Variants in DLGAP2 observed in about 807,000 individuals in gnomAD.
The protein encoded by DLGAP2 is disks large-associated protein 2.
In DLGAP2, 26 loss-of-function variants were observed where a neutral mutation model predicts 100.3. The observed-to-expected ratio is 0.26, with a 90% CI of 0.19 to 0.36. The LOEUF (loss-of-function observed/expected upper bound fraction) is 0.36. DLGAP2 is among the 10% of genes least tolerant of loss of function. The pLI, the probability that DLGAP2 is intolerant of heterozygous loss-of-function variation, is 1.00. For synonymous variants in DLGAP2, 886 were observed against 630.1 expected (o/e 1.41, Z -6.08); for missense variants, 1,858 against 1,453.2 (o/e 1.28, Z -4.53).
chr8:1,243,696 C>A (rs1049406285), intron 2 of DLGAP2, among the ~76,000 whole-genome samples: 1 of 152,166 alleles, frequency 6.6e-6, no homozygotes, highest in African/African-American at 2.4e-5. Flanking sequence ...GATGCCCATG[C>A]CGCTGCCTCA....
At chr8:1,655,971 A>T (rs1798274264) in intron 8 of DLGAP2, among the ~76,000 whole-genome samples, 1 of 152,242 alleles carries the variant, frequency 6.6e-6, no homozygotes, top group Non-Finnish European at 1.5e-5. Context: ...ACCAGTGGAC[A>T]CACAGCGTGT....
intron 2 of DLGAP2, among the ~76,000 whole-genome samples, chr8:935,769 T>C (rs1799056976): frequency 6.6e-6 from 1 of 152,208 alleles, no homozygotes; most frequent in South Asian, 2.1e-4. Flanking sequence ...CAAAGCATAG[T>C]GGTTCCTGTT....
rs1165882478 is a variant in DLGAP2, at chr8:1,360,310, C to CTGGGG, written c.106+101427_106+101428insTGGGG. Among the ~76,000 whole-genome samples the CTGGGG allele has an allele frequency of 5.8e-3, 355 of 61,184 alleles. 4 individuals are homozygous for CTGGGG. The highest frequency in any genetic ancestry group is 0.035 in the East Asian group (41 of 1,186). The allele number at this position is 61,184 out of a possible 152,430, so 40.1% of individuals were successfully genotyped here. The stretch of plus-strand genomic sequence containing the variant: ...GGGGCTTCTCCGGGGCGGGGCTTCT[C>CTGGGG]CGGGGCGGGGCTTCTCCAGGACGGT... On this transcript the variant is annotated intron_variant, in intron 3 of 14. Coordinates refer to ENST00000637795, the MANE Select transcript of DLGAP2 (RefSeq NM_001346810.2).
At chr8:1,217,915 G>T (rs1464317676) in intron 2 of DLGAP2, among the ~76,000 whole-genome samples, 1 of 152,104 alleles carries the variant, frequency 6.6e-6, no homozygotes, top group Non-Finnish European at 1.5e-5. Flanking sequence ...CTTTTGAGAA[G>T]TGTCCATGTC....
intron 2 of DLGAP2, among the ~76,000 whole-genome samples, chr8:1,113,425 A>G (rs1266677327): frequency 6.6e-6 from 1 of 152,180 alleles, no homozygotes; most frequent in East Asian, 1.9e-4. Flanking sequence ...CTCCCTTGTC[A>G]GCTGCATTCC....
chr8:1,076,430 G>C (rs1031093304), intron 2 of DLGAP2, among the ~76,000 whole-genome samples: 2 of 152,184 alleles, frequency 1.3e-5, no homozygotes, highest in Admixed American at 1.3e-4. Context: ...GCGGAAAGTC[G>C]GATGGGTTAG....
chr8:1,093,500 C>T (rs1265764635), intron 2 of DLGAP2, among the ~76,000 whole-genome samples: 2 of 151,348 alleles, frequency 1.3e-5, no homozygotes, highest in South Asian at 2.1e-4. Context: ...CAGCCAGAAA[C>T]ACCTTCACAC....
intron 2 of DLGAP2, among the ~76,000 whole-genome samples, chr8:1,183,658 G>A (rs1361433399): frequency 1.3e-5 from 2 of 152,202 alleles, no homozygotes; most frequent in Admixed American, 1.3e-4. Context: ...CAGGGCAGGC[G>A]GTGGAGCCCA....
chr8:837,087 A>G (rs980115277), intron 1 of DLGAP2, among the ~76,000 whole-genome samples: 20 of 152,360 alleles, frequency 1.3e-4, no homozygotes, highest in African/African-American at 4.8e-4. Context: ...TCTCCTGGTC[A>G]GGGTTAGGGC....
rs191887940 is a variant in DLGAP2 at position 1,560,256 on chromosome 8, C to G, written c.1231-5427C>G. 5.3e-5 allele frequency among the ~76,000 whole-genome samples: 8 copies of G among 152,290 alleles called. No homozygotes were observed. In the East Asian group the frequency reaches 1.5e-3, roughly 29 times the overall value. On this transcript the variant is annotated intron_variant, in intron 5 of 14. Transcript: ENST00000637795. ...TTAAAAGACATAAAAATGTCAAGTG[C>G]TTTAAAAATTGCTTTTCCCCCTCAT...
rs138602561 is a variant in DLGAP2, at chr8:1,257,157, C to G, written c.74-1694C>G. Among the ~76,000 whole-genome samples, 18 of 152,250 alleles carry G rather than the reference C, an allele frequency of 1.2e-4. No homozygotes were observed. In the East Asian group the frequency reaches 3.3e-3, roughly 28 times the overall value. On this transcript the variant is annotated intron_variant, in intron 2 of 14. Transcript: ENST00000637795. The stretch of plus-strand genomic sequence containing the variant: ...GAGAGCTCAGTAGAGCTGTCAGTCA[C>G]AGTTTTAAAGGACGATTCATGCTCT...
intron 2 of DLGAP2, among the ~76,000 whole-genome samples, chr8:1,134,559 T>C (rs1407652485): frequency 6.6e-6 from 1 of 152,116 alleles, no homozygotes; most frequent in Non-Finnish European, 1.5e-5. Flanking sequence ...CTTACATTAA[T>C]CATATTAATA....
chr8:1,043,547 G>A (rs1451845909), intron 2 of DLGAP2, among the ~76,000 whole-genome samples: 1 of 152,028 alleles, frequency 6.6e-6, no homozygotes, highest in Admixed American at 6.6e-5. Context: ...TCTTCAGGAA[G>A]CAGTAGGTGG....
chr8:1,506,521 G>A (rs1222887265), intron 4 of DLGAP2, among the ~76,000 whole-genome samples: 2 of 152,194 alleles, frequency 1.3e-5, no homozygotes, highest in African/African-American at 2.4e-5. Flanking sequence ...CATAAAAGGA[G>A]TGCGGACCCA....
At chr8:1,082,632 G>A (rs1001776446) in intron 2 of DLGAP2, among the ~76,000 whole-genome samples, 3 of 152,216 alleles carry the variant, frequency 2.0e-5, no homozygotes, top group African/African-American at 7.2e-5. Flanking sequence ...TCCATCCAGG[G>A]CTCCTCCTGG....
At position 1,420,474 on chromosome 8, in the gene DLGAP2, C is replaced by T. The variant is rs541760195; in HGVS notation, c.107-80892C>T. On this transcript the variant is annotated intron_variant, in intron 3 of 14. Transcript: ENST00000637795. ...CAGCACTTTGAGTTTTTTCTAATTC[C>T]AATTCATCCTATAGCAAATTTCCTA... is the stretch of plus-strand genomic sequence containing the variant. Among the ~76,000 whole-genome samples the T allele has an allele frequency of 1.1e-4, 17 of 152,224 alleles. No individual in the cohort carries two copies. In the South Asian group the frequency reaches 3.1e-3, roughly 28 times the overall value.
intron 2 of DLGAP2, among the ~76,000 whole-genome samples, chr8:937,745 GTGT>G (rs747472194): frequency 1.2e-4 from 19 of 152,208 alleles, no homozygotes; most frequent in Non-Finnish European, 2.4e-4. Flanking sequence ...AGGGAATCTG[GTGT>G]TGTCTGCGTC....
chr8:1,033,890 C>G (rs1228132336), intron 2 of DLGAP2, among the ~76,000 whole-genome samples: 1 of 112,628 alleles, frequency 8.9e-6, no homozygotes, highest in Non-Finnish European at 1.9e-5. Context: ...CCCCGCGTGT[C>G]ACCGCGAGTG....
At chr8:1,595,845 ATTC>A (rs933344304) in intron 6 of DLGAP2, among the ~76,000 whole-genome samples, 1 of 151,626 alleles carries the variant, frequency 6.6e-6, no homozygotes, top group Non-Finnish European at 1.5e-5. Context: ...AATGTATTTT[ATTC>A]TTTTTTTAAT....
Sources: gnomAD v4.1 joint callset for allele counts (sites outside exome capture counted in the v4.1 genomes callset) on GRCh38, gnomAD v4.1.1 for gene constraint, MANE v1.5 for transcripts, NCBI Gene and HGNC (gene_info 2026-07-23, HGNC 2026-07-21) for gene names.